The following NBEA variants were observed in gnomAD, a reference collection of about 807,000 sequenced individuals.
The protein encoded by NBEA is lysosomal-trafficking regulator 2.
NBEA carries 44 observed loss-of-function variants against 343.4 expected under a neutral mutation model. That is an observed-to-expected ratio of 0.13 (90% CI 0.10 to 0.16). The LOEUF is 0.16. Among genes scored for constraint, NBEA ranks in the 10% least tolerant of loss-of-function variants. The pLI is 1.00. For missense variants in NBEA, 2,555 were observed against 3,631.3 expected (o/e 0.70, Z 7.62); for synonymous variants, 1,175 against 1,238.7 (o/e 0.95, Z 1.08).
rs537353462 is a variant in NBEA at position 34,978,401 on chromosome 13, ATCTG to A, written c.294+35291_294+35294del. On this transcript the variant is annotated intron_variant, in intron 1 of 58. Coordinates refer to ENST00000379939, the MANE Select transcript of NBEA (RefSeq NM_001385012.1). ...TATCTGTATTTTTATGCATCCATCG[ATCTG>A]TCTATTTTTTCTGGATCCGTTTAAA... 1.3e-3 allele frequency among the ~76,000 whole-genome samples: 196 copies of A among 152,246 alleles called. 1 individual carries two copies. Among genetic ancestry groups the A allele is most frequent in the African/African-American group, 4.3e-3 (178 of 41,564 alleles).
At chr13:35,406,174 T>C (rs2043258825) in intron 38 of NBEA, among the ~76,000 whole-genome samples, 1 of 152,120 alleles carries the variant, frequency 6.6e-6, no homozygotes, top group Non-Finnish European at 1.5e-5. Flanking sequence ...AGCCCTGCCT[T>C]CTTGTTTAAT....
chr13:35,082,685 T>A (rs923023531), intron 10 of NBEA, among the ~76,000 whole-genome samples: 2 of 152,224 alleles, frequency 1.3e-5, no homozygotes, highest in Admixed American at 6.5e-5. Context: ...TGAGCATTTT[T>A]TCGTGTGTCT....
intron 10 of NBEA, among the ~76,000 whole-genome samples, chr13:35,081,076 T>C (rs1208091100): frequency 6.6e-6 from 1 of 152,128 alleles, no homozygotes; most frequent in Non-Finnish European, 1.5e-5. Flanking sequence ...GAATGAAATA[T>C]GTATACATAA....
At chr13:35,021,582 T>A (rs2061840420) in intron 1 of NBEA, among the ~76,000 whole-genome samples, 1 of 152,190 alleles carries the variant, frequency 6.6e-6, no homozygotes, top group South Asian at 2.1e-4. Flanking sequence ...GAATATTTGT[T>A]ATGACTTAAT....
intron 1 of NBEA, among the ~76,000 whole-genome samples, chr13:34,984,467 T>C (rs1452737445): frequency 6.6e-6 from 1 of 152,220 alleles, no homozygotes; most frequent in Non-Finnish European, 1.5e-5. Flanking sequence ...TAGTTTGAAG[T>C]CACTTAGTGT....
intron 11 of NBEA, among the ~76,000 whole-genome samples, 195 bp from the exon 12 acceptor site, chr13:35,109,092 TAAC>T (rs574621833): frequency 5.5e-4 from 83 of 152,228 alleles, no homozygotes; most frequent in Non-Finnish European, 1.0e-3. Context: ...AGGCTTCAAA[TAAC>T]AAGCTATCAC....
chr13:35,324,430 C>A (rs2038397112), intron 36 of NBEA, among the ~76,000 whole-genome samples: 1 of 152,166 alleles, frequency 6.6e-6, no homozygotes, highest in South Asian at 2.1e-4. Flanking sequence ...TATAACATGT[C>A]TCTTATAAAG....
At chr13:35,007,684 G>A (rs1025193100) in intron 1 of NBEA, among the ~76,000 whole-genome samples, 1 of 152,012 alleles carries the variant, frequency 6.6e-6, no homozygotes, top group African/African-American at 2.4e-5. Context: ...GTGGAGATGG[G>A]GCTTTACCCT....
At chr13:35,478,513 G>C (rs1003314369) in intron 41 of NBEA, among the ~76,000 whole-genome samples, 3 of 152,248 alleles carry the variant, frequency 2.0e-5, no homozygotes, top group South Asian at 2.1e-4. Context: ...TGTGCCGTCC[G>C]CTCGCCGCCT....
chr13:35,024,433 A>C (rs567668757), intron 1 of NBEA, among the ~76,000 whole-genome samples: 4 of 152,202 alleles, frequency 2.6e-5, no homozygotes, highest in African/African-American at 9.6e-5. Flanking sequence ...GCACCTTGGA[A>C]GGCCAAGGCA....
intron 39 of NBEA, among the ~76,000 whole-genome samples, chr13:35,439,730 T>TA (rs1283906330): frequency 6.6e-6 from 1 of 152,032 alleles, no homozygotes; most frequent in East Asian, 1.9e-4. Flanking sequence ...TAAAGTATAA[T>TA]AAAAAATAAA....
At chr13:35,121,479 A>G (rs367970750) in intron 16 of NBEA, among the ~76,000 whole-genome samples, 1 of 151,072 alleles carries the variant, frequency 6.6e-6, no homozygotes, top group East Asian at 1.9e-4. Flanking sequence ...GATTTCTTGA[A>G]TGTGTTTTTT....
At chr13:35,251,351 C>T in intron 34 of NBEA, 4 of 1,021,534 alleles carry the variant, frequency 3.9e-6, no homozygotes, top group Non-Finnish European at 4.7e-6. Context: ...ACATCCTCAC[C>T]AGCCTTGGAG....
chr13:35,233,743 T>G (rs1047774344), intron 34 of NBEA, among the ~76,000 whole-genome samples: 1 of 152,136 alleles, frequency 6.6e-6, no homozygotes, highest in Non-Finnish European at 1.5e-5. Flanking sequence ...GCATATATTC[T>G]AACAAGGACA....
intron 1 of NBEA, among the ~76,000 whole-genome samples, chr13:34,943,902 A>G (rs2059110607): frequency 1.3e-5 from 2 of 152,220 alleles, no homozygotes; most frequent in African/African-American, 2.4e-5. Flanking sequence ...ATGGTAAGAA[A>G]GAGTTACTGC....
intron 39 of NBEA, among the ~76,000 whole-genome samples, chr13:35,445,047 A>G (rs183102137): frequency 2.0e-5 from 3 of 152,278 alleles, no homozygotes; most frequent in Admixed American, 2.0e-4. Flanking sequence ...GAACACTGTT[A>G]TAACAGCATG....
At chr13:35,579,444 G>A (rs2080903527) in intron 45 of NBEA, among the ~76,000 whole-genome samples, 1 of 151,742 alleles carries the variant, frequency 6.6e-6, no homozygotes, top group African/African-American at 2.4e-5. Flanking sequence ...CTAAGAAAAG[G>A]GCTTGGTACA....
intron 10 of NBEA, among the ~76,000 whole-genome samples, chr13:35,088,612 G>C (rs1354337797): frequency 1.3e-5 from 2 of 151,896 alleles, no homozygotes; most frequent in Non-Finnish European, 2.9e-5. Flanking sequence ...CTAAGAATTA[G>C]ATATTAGGCT....
chr13:35,380,253 T>G (rs1402971907), intron 38 of NBEA, among the ~76,000 whole-genome samples: 3 of 151,886 alleles, frequency 2.0e-5, no homozygotes, highest in African/African-American at 7.3e-5. Context: ...AAGACCAGCC[T>G]CGCCAACATG....
Sources: allele counts gnomAD v4.1 joint callset (sites outside exome capture counted in the v4.1 genomes callset), GRCh38; gene constraint gnomAD v4.1.1; transcripts MANE v1.5; gene names NCBI Gene and HGNC (gene_info 2026-07-23, HGNC 2026-07-21).